HMGXB3: variants seen among roughly 807,000 people sequenced by gnomAD.
HMGXB3 encodes the protein HMG domain-containing protein 3.
A neutral mutation model predicts 121.5 loss-of-function variants in HMGXB3; 45 were observed. The ratio of observed to expected loss-of-function variants is 0.37; its 90% CI spans 0.29 to 0.47. The LOEUF is 0.47. HMGXB3 is among the 20% of genes least tolerant of loss of function. HMGXB3 has a pLI of 0.99. For missense variants in HMGXB3, 1,376 were observed against 1,602.2 expected, an observed-to-expected ratio of 0.86 and a Z score of 2.41; for synonymous variants, 590 against 624.1, an observed-to-expected ratio of 0.95 and a Z score of 0.81.
chr5:150,051,976 C>T lies in HMGXB3; in HGVS notation c.3663C>T (p.Ala1221=), dbSNP rs777268054. 2.8e-5 allele frequency: 43 copies of T among 1,552,164 alleles called. No homozygotes were observed. The highest frequency in any genetic ancestry group is 3.3e-5 in the Non-Finnish European group (38 of 1,147,138). Residue 1221 remains alanine (A), a synonymous_variant, in exon 20 of 20, where the codon GCC becomes GCT. Coordinates refer to ENST00000502717, the MANE Select transcript of HMGXB3 (RefSeq NM_014983.3). ...ACGGTGTCCGCCAGCGGCCCATTGCCTTCGACAATGCCACTCACTATTACC... is the reference window on the plus strand; with the variant it reads ...ACGGTGTCCGCCAGCGGCCCATTGCTTTCGACAATGCCACTCACTATTACC... ...KPNGVRQRPI[A]FDNATHYYLY...
At chr5:150,026,386 T>C (rs550754377) in intron 7 of HMGXB3, among the ~76,000 whole-genome samples, 1 of 152,218 alleles carries the variant, frequency 6.6e-6, no homozygotes, top group Admixed American at 6.5e-5. Flanking sequence ...TAGAGGTAGA[T>C]TAGATGTTAC....
chr5:150,041,799 T>C lies in HMGXB3; in HGVS notation c.2560T>C (p.Ser854Pro), dbSNP rs1315764019. ...TCTTCTTTCAGAGAAGACTCTGACC[T>C]CGGAGGAGCTGAGCCAGCTGCAGGA... Reference protein sequence around the residue: ...VQEQTEKTLTSEELSQLQELL... With the variant: ...VQEQTEKTLTPEELSQLQELL... The change falls in exon 15 of 20, where the codon TCG becomes CCG. Residue 854 changes from serine to proline, a missense_variant. Around this residue, in one of 2 missense-constraint regions of HMGXB3, gnomAD observed 1,116 missense variants for 1,369.0 expected, o/e 0.82. Coordinates refer to ENST00000502717, the MANE Select transcript of HMGXB3 (RefSeq NM_014983.3). The C allele has an allele frequency of 3.2e-6, 5 of 1,551,296 alleles. No homozygotes were observed. The Admixed American group carries it at 9.8e-5, about 30-fold the overall frequency.
intron 4 of HMGXB3, among the ~76,000 whole-genome samples, chr5:150,011,921 C>G (rs1350765738): frequency 6.6e-6 from 1 of 152,114 alleles, no homozygotes; most frequent in African/African-American, 2.4e-5. Flanking sequence ...CGCCACTAGC[C>G]TGTTTAAAGC....
chr5:150,046,505 C>T (rs907544168), intron 16 of HMGXB3, among the ~76,000 whole-genome samples: 1 of 152,206 alleles, frequency 6.6e-6, no homozygotes, highest in Non-Finnish European at 1.5e-5. Flanking sequence ...GGTTCTCAAA[C>T]AGTGCTTCCT....
chr5:150,003,891 C>G (rs544399138), intron 1 of HMGXB3, among the ~76,000 whole-genome samples: 1 of 152,244 alleles, frequency 6.6e-6, no homozygotes, highest in African/African-American at 2.4e-5. Flanking sequence ...GAGGTCAAGA[C>G]TGTAGTGAGC....
chr5:150,024,199 A>G (rs1215930717), intron 6 of HMGXB3, 63 bp from the exon 7 acceptor site: 2 of 1,264,754 alleles, frequency 1.6e-6, no homozygotes, highest in African/African-American at 3.0e-5. Flanking sequence ...AAATGAGAGA[A>G]TGTTTGTGAA....
Position 150,027,088 on chromosome 5 carries a change from C to G in HMGXB3, c.1705C>G (p.Gln569Glu), listed in dbSNP as rs1001900822. 7.7e-6 allele frequency: 12 copies of G among 1,551,682 alleles called. No homozygotes were observed. The African/African-American group carries it at 9.6e-5, about 12-fold the overall frequency. Residue 569 changes from glutamine to glutamate, a missense_variant, in exon 9 of 20, where the codon CAA becomes GAA. Physicochemically the swap from Gln to Glu is conservative, Grantham distance 29 (BLOSUM62 2). Around this residue, in one of 2 missense-constraint regions of HMGXB3, gnomAD observed 1,116 missense variants for 1,369.0 expected, o/e 0.82. Coordinates refer to ENST00000502717, the MANE Select transcript of HMGXB3 (RefSeq NM_014983.3). ...ACTGAAGCAGCTGGGCCAGCCCATTCAACAGCCATCTGGCCCTGGTGAGGT... is the reference window on the plus strand; with the variant it reads ...ACTGAAGCAGCTGGGCCAGCCCATTGAACAGCCATCTGGCCCTGGTGAGGT... ...STLKQLGQPIQQPSGPGEVKL... is the reference protein window; with the variant it reads ...STLKQLGQPIEQPSGPGEVKL...
chr5:150,003,674 C>G (rs1755629319), intron 1 of HMGXB3, among the ~76,000 whole-genome samples: 1 of 151,640 alleles, frequency 6.6e-6, no homozygotes, highest in African/African-American at 2.4e-5. Context: ...GGAATGAACC[C>G]AGCAGGGCAC....
intron 11 of HMGXB3, among the ~76,000 whole-genome samples, chr5:150,034,139 G>A (rs932797251): frequency 6.6e-6 from 1 of 152,178 alleles, no homozygotes; most frequent in South Asian, 2.1e-4. Flanking sequence ...AAATGGGTCC[G>A]TAGCTTTCAT....
chr5:150,042,976 A>C (rs1316069827), intron 15 of HMGXB3, among the ~76,000 whole-genome samples: 2 of 152,268 alleles, frequency 1.3e-5, no homozygotes, highest in Non-Finnish European at 2.9e-5. Context: ...ACTCATGAAT[A>C]TAGATGAAAG....
chr5:150,031,607 C>A lies in HMGXB3; in HGVS notation c.1833+768C>A, dbSNP rs555242292. Among the ~76,000 whole-genome samples the A allele has an allele frequency of 1.2e-4, 18 of 152,358 alleles. No homozygotes were observed. The South Asian group carries it at 3.7e-3, about 32-fold the overall frequency. On this transcript the variant is annotated intron_variant, in intron 10 of 19. Coordinates refer to ENST00000502717, the MANE Select transcript of HMGXB3 (RefSeq NM_014983.3). ...TTCTGTTGATGCTTAAAGTATCAAC[C>A]AGCAAGATGTCTTTTGGCAGTTTCT...
intron 6 of HMGXB3, 125 bp downstream of exon 6, chr5:150,018,822 A>G (rs1034450769): frequency 1.1e-5 from 10 of 884,590 alleles, no homozygotes; most frequent in East Asian, 5.6e-5. Flanking sequence ...CAAGTAAATC[A>G]TTTCCATTGT....
Position 150,045,462 on chromosome 5 carries a change from C to T in HMGXB3, c.2731-4C>T. ...GTTTGACCTTCTTTATCCTGACCTT[C>T]TAGTTCACCTGGCCTGAATTCCTGG... On this transcript the variant is annotated splice_region_variant and splice_polypyrimidine_tract_variant and intron_variant, in intron 15 of 19. Coordinates refer to ENST00000502717, the MANE Select transcript of HMGXB3 (RefSeq NM_014983.3). 1.3e-6 allele frequency: 2 copies of T among 1,551,618 alleles called. No individual in the cohort carries two copies. Among genetic ancestry groups the T allele is most frequent in the African/African-American group, 1.4e-5 (1 of 73,162 alleles).
At chr5:150,008,583 C>T (rs1755762028) in intron 3 of HMGXB3, among the ~76,000 whole-genome samples, 1 of 152,228 alleles carries the variant, frequency 6.6e-6, no homozygotes, top group African/African-American at 2.4e-5. Flanking sequence ...GATGGGAAGA[C>T]CCTCAATGCC....
chr5:150,046,615 A>G (rs1189178257), intron 16 of HMGXB3, among the ~76,000 whole-genome samples: 1 of 152,036 alleles, frequency 6.6e-6, no homozygotes, highest in East Asian at 2.0e-4. Context: ...GATCGAGACC[A>G]TCCTGGCTAA....
At chr5:150,004,061 G>A (rs1018808981) in intron 1 of HMGXB3, among the ~76,000 whole-genome samples, 3 of 150,870 alleles carry the variant, frequency 2.0e-5, no homozygotes, top group Admixed American at 1.3e-4. Flanking sequence ...ATAGAGATGG[G>A]GTCTCACTAT....
rs902284880 is a variant in HMGXB3, at chr5:150,025,742, A to AT, written c.1461-953dup. 5.0e-3 allele frequency among the ~76,000 whole-genome samples: 711 copies of AT among 141,440 alleles called. 2 individuals are homozygous for AT. The highest frequency in any genetic ancestry group is 0.014 in the African/African-American group (546 of 38,604). 92.8% of individuals were successfully genotyped at this position (141,440 alleles called of 152,430 possible). A position where few individuals can be genotyped will look rare whatever the true frequency, so the allele number is the denominator to read the frequency against. On this transcript the variant is annotated intron_variant, in intron 7 of 19. Coordinates refer to ENST00000502717, the MANE Select transcript of HMGXB3 (RefSeq NM_014983.3). ...ACTACCACACCTGGCTAATTTTTGT[A>AT]TTTTTTTTTTTGTAGAGATGGGGTT...
In HMGXB3 at chr5:150,052,267, G is replaced by A; in HGVS notation, c.*75G>A. On this transcript the variant is annotated 3_prime_UTR_variant, in exon 20 of 20. Coordinates refer to ENST00000502717, the MANE Select transcript of HMGXB3 (RefSeq NM_014983.3). Reference sequence around the variant, plus strand: ...CCTTGCCTGAGGCAGAGCTATCCAGGGGACCTGCAGAAGTGGTCTCCTGTG... The same window carrying A: ...CCTTGCCTGAGGCAGAGCTATCCAGAGGACCTGCAGAAGTGGTCTCCTGTG... 1 of 1,215,606 alleles carries A rather than the reference G, an allele frequency of 8.2e-7. No individual in the cohort carries two copies. Among genetic ancestry groups the A allele is most frequent in the Non-Finnish European group, 1.1e-6 (1 of 878,128 alleles). 75.3% of individuals were successfully genotyped at this position (1,215,606 alleles called of 1,614,324 possible).
At chr5:150,040,690 AT>A (rs1756609369) in intron 13 of HMGXB3, 57 bp from the exon 14 acceptor site, 6 of 1,513,920 alleles carry the variant, frequency 4.0e-6, no homozygotes, top group Non-Finnish European at 5.3e-6. Context: ...TGTGTATTCT[AT>A]TTTTTGCCAT....
Sources: allele counts gnomAD v4.1 joint callset (sites outside exome capture counted in the v4.1 genomes callset), GRCh38; gene constraint gnomAD v4.1.1; regional missense constraint gnomAD v4.1.1; transcripts MANE v1.5; gene names NCBI Gene and HGNC (gene_info 2026-07-23, HGNC 2026-07-21).